The following FAM9B variants were observed in gnomAD, a reference collection of about 807,000 sequenced individuals.
The protein encoded by FAM9B is protein FAM9B.
In FAM9B, 18 loss-of-function variants were observed where a neutral mutation model predicts 16.6. The ratio of observed to expected loss-of-function variants is 1.09; its 90% CI spans 0.75 to 1.61. The LOEUF (loss-of-function observed/expected upper bound fraction) is 1.61. FAM9B is among the 40% of genes most tolerant of loss of function. FAM9B has a pLI of 0.00. For missense variants in FAM9B, 155 were observed against 136.0 expected (o/e 1.14, Z -0.70); for synonymous variants, 43 against 42.6 (o/e 1.01, Z -0.03).
In FAM9B at chrX:9,027,889, C is replaced by G; in HGVS notation, c.471G>C (p.Leu157=). Reference sequence around the variant, plus strand: ...AGACCTTTACGAATTGGTCACGTAGCAGCTTCATCTCTTTCAGCCTCTCTC... The same window carrying G: ...AGACCTTTACGAATTGGTCACGTAGGAGCTTCATCTCTTTCAGCCTCTCTC... ...VRRERLKEMK[L]LRDQFVKALE... is the part of the protein sequence containing the mutation. The change falls in exon 7 of 9, where the codon CTG becomes CTC. Residue 157 remains leucine (L), a synonymous_variant. Transcript: ENST00000327220. 1 of 1,210,083 alleles carries G rather than the reference C, an allele frequency of 8.3e-7. No homozygotes were observed. Among genetic ancestry groups the G allele is most frequent in the Non-Finnish European group, 1.1e-6 (1 of 894,084 alleles).
Position 9,029,381 on chromosome X carries a change from T to C in FAM9B, c.319A>G (p.Asn107Asp), listed in dbSNP as rs1413751653. The C allele has an allele frequency of 8.3e-7, 1 of 1,206,707 alleles. No individual in the cohort carries two copies. Among genetic ancestry groups the C allele is most frequent in the African/African-American group, 1.8e-5 (1 of 57,142 alleles). Residue 107 changes from asparagine to aspartate, a missense_variant, in exon 6 of 9, where the codon AAT (asparagine) becomes GAT (aspartate). Transcript: ENST00000327220. Reference protein sequence around the residue: ...RDYIHSLKLLNVLEEYITDEQ... With the variant: ...RDYIHSLKLLDVLEEYITDEQ... ...TCTGTGATGTATTCTTCAAGGACAT[T>C]TAGCAACTTCAGAGAATGTATATAA...
In FAM9B at chrX:9,025,460, TAATATTA is replaced by T; in HGVS notation, c.*31+17_*31+23del. ...CAGTGCTACATCAATCCTGAGTTTT[TAATATTA>T]AATATGCACTACTTACAGTTCTGAC... On this transcript the variant is annotated intron_variant, in intron 8 of 8. Transcript: ENST00000327220. 1 of 962,111 alleles carries T rather than the reference TAATATTA, an allele frequency of 1.0e-6. No individual in the cohort carries two copies. The highest frequency in any genetic ancestry group is 2.7e-5 in the Admixed American group (1 of 36,960). The allele number at this position is 962,111 out of a possible 1,213,427, so 79.3% of individuals were successfully genotyped here.
chrX:9,030,260 C>A lies in FAM9B; in HGVS notation c.281+1G>T. ...TTATGCAAAAAAGCCAACAGTCATA[C>A]CTTTTAAGTTGCTTTTTTCTCAAAG... On this transcript the variant is annotated splice_donor_variant, in intron 5 of 8. Transcript: ENST00000327220. LOFTEE classifies it high-confidence loss of function. The A allele has an allele frequency of 1.7e-6, 2 of 1,193,551 alleles. No homozygotes were observed. Among genetic ancestry groups the A allele is most frequent in the East Asian group, 3.0e-5 (1 of 33,480 alleles).
At chrX:9,025,969 T>C (rs114829079) in intron 7 of FAM9B, among the ~76,000 whole-genome samples, 41 of 111,354 alleles carry the variant, frequency 3.7e-4, no homozygotes, top group African/African-American at 1.3e-3. Flanking sequence ...TGGTTTCCAT[T>C]GAAGGGATAA....
At chrX:9,027,591 T>TAA (rs1920979479) in intron 7 of FAM9B, among the ~76,000 whole-genome samples, 1 of 111,866 alleles carries the variant, frequency 8.9e-6, no homozygotes, top group African/African-American at 3.2e-5. Context: ...GTTAATGTGT[T>TAA]AATAAAGTGT....
chrX:9,027,951 G>C lies in FAM9B; in HGVS notation c.409C>G (p.Gln137Glu). 1 of 1,204,265 alleles carries C rather than the reference G, an allele frequency of 8.3e-7. No individual in the cohort carries two copies. Among genetic ancestry groups the C allele is most frequent in the African/African-American group, 1.7e-5 (1 of 57,576 alleles). Reference protein sequence around the residue: ...EEELIRIFQEQQKKWQQYRSV... With the variant: ...EEELIRIFQEEQKKWQQYRSV... ...CTATATTGTTGCCACTTCTTCTGTTGTTCTTGAAATATTCTCTAGAATCCC... is the reference window on the plus strand; with the variant it reads ...CTATATTGTTGCCACTTCTTCTGTTCTTCTTGAAATATTCTCTAGAATCCC... Residue 137 changes from glutamine (Q) to glutamate (E), a missense_variant, in exon 7 of 9, where the codon CAA becomes GAA. By Grantham distance (29) the Gln-to-Glu change is conservative (BLOSUM62 2). Transcript: ENST00000327220.
intron 6 of FAM9B, 93 bp downstream of exon 6, chrX:9,029,214 C>T (rs1375746616): frequency 1.6e-5 from 12 of 756,250 alleles, no homozygotes; most frequent in Admixed American, 2.6e-5. Context: ...TGGGCTCATG[C>T]GCTCTTCCTT....
In FAM9B at chrX:9,030,306, G is replaced by A. The variant is rs1401780959; in HGVS notation, c.236C>T (p.Thr79Ile). The A allele has an allele frequency of 8.3e-7, 1 of 1,204,284 alleles. No individual in the cohort carries two copies. Among genetic ancestry groups the A allele is most frequent in the African/African-American group, 1.7e-5 (1 of 57,573 alleles). Residue 79 changes from threonine (T) to isoleucine (I), a missense_variant, in exon 5 of 9, where the codon ACA becomes ATA. By Grantham distance (89) the Thr-to-Ile change is moderately conservative. Transcript: ENST00000327220. ...RMKMDKTCSKTKNKSKHALRK... is the reference protein window; with the variant it reads ...RMKMDKTCSKIKNKSKHALRK... ...CAAAGCATGTTTACTTTTGTTCTTT[G>A]TTTTGCTGCAAGTTTTATCCATTTT... is the stretch of plus-strand genomic sequence containing the variant.
intron 7 of FAM9B, 63 bp downstream of exon 7, chrX:9,027,805 G>C: frequency 1.1e-6 from 1 of 896,781 alleles, no homozygotes; most frequent in South Asian, 2.1e-5. Flanking sequence ...GAAACAAGCA[G>C]ACTGTCTTCT....
intron 6 of FAM9B, 57 bp downstream of exon 6, chrX:9,029,250 T>C (rs1921001626): frequency 1.0e-6 from 1 of 964,344 alleles, no homozygotes; most frequent in African/African-American, 1.9e-5. Context: ...GCATGAACTA[T>C]TACTACCTGA....
At chrX:9,030,874 A>C (rs921089133) in intron 4 of FAM9B, 1 of 112,263 alleles carries the variant, frequency 8.9e-6, no homozygotes, top group Non-Finnish European at 1.9e-5. Flanking sequence ...CTGTATTTTA[A>C]TAAAAGAAGC....
At position 9,030,354 on chromosome X, in the gene FAM9B, A is replaced by G; in HGVS notation, c.188T>C (p.Leu63Pro). 8.4e-7 allele frequency: 1 copy of G among 1,190,148 alleles called. No homozygotes were observed. The highest frequency in any genetic ancestry group is 1.1e-6 in the Non-Finnish European group (1 of 882,445). Residue 63 changes from leucine (L) to proline (P), a missense_variant, in exon 5 of 9, where the codon CTT (leucine) becomes CCT (proline). Physicochemically the swap from Leu to Pro is moderately conservative, Grantham distance 98. Transcript: ENST00000327220. ...TKKPEDTAED[L>P]TAKRKRMKMD... ...TTTCATCCTTTTTCTTTTTGCAGTA[A>G]GATCCTCTTTAATGTCAGTTAGATA...
At chrX:9,030,134 C>T in intron 5 of FAM9B, 127 bp downstream of exon 5, 1 of 1,136,955 alleles carries the variant, frequency 8.8e-7, no homozygotes, top group Non-Finnish European at 1.2e-6. Context: ...ACTTAGAGAA[C>T]AATCAAGTAA....
chrX:9,033,704 CA>C, intron 1 of FAM9B, 147 bp downstream of exon 1: 4 of 647,588 alleles, frequency 6.2e-6, no homozygotes, highest in Non-Finnish European at 5.5e-6. Flanking sequence ...CACCCTAGCC[CA>C]CCCTCAGGGC....
chrX:9,030,996 C>G (rs1237652319), intron 4 of FAM9B: 1 of 111,852 alleles, frequency 8.9e-6, no homozygotes, highest in East Asian at 2.8e-4. Flanking sequence ...TGCTGTGTTT[C>G]AGAAAACTGT....
rs1375373252 is a variant in FAM9B, at chrX:9,032,613, G to A, written c.29-152C>T. 1.1e-5 allele frequency: 10 copies of A among 881,037 alleles called. No homozygotes were observed. The Admixed American group carries it at 2.7e-4, about 24-fold the overall frequency. 72.6% of individuals were successfully genotyped at this position (881,037 alleles called of 1,213,427 possible). A position where few individuals can be genotyped will look rare whatever the true frequency, so the allele number is the denominator to read the frequency against. On this transcript the variant is annotated intron_variant, in intron 2 of 8. Transcript: ENST00000327220. ...AAGCAGAGCTATACATGGAATCACC[G>A]GTTCCTGACCATTTTATCGAGGGAC...
chrX:9,030,326 C>A lies in FAM9B; in HGVS notation c.216G>T (p.Met72Ile), dbSNP rs760665917. ...TCTTTGTTTTGCTGCAAGTTTTATC[C>A]ATTTTCATCCTTTTTCTTTTTGCAG... ...DLTAKRKRMK[M>I]DKTCSKTKNK... Residue 72 changes from methionine (M) to isoleucine (I), a missense_variant, in exon 5 of 9, where the codon ATG (methionine) becomes ATT (isoleucine). By Grantham distance (10) the Met-to-Ile change is conservative. Coordinates refer to ENST00000327220, the MANE Select transcript of FAM9B (RefSeq NM_205849.3). 1.7e-6 allele frequency: 2 copies of A among 1,199,942 alleles called. No individual in the cohort carries two copies. The highest frequency in any genetic ancestry group is 4.5e-5 in the Admixed American group (2 of 44,518).
chrX:9,026,964 G>T (rs777809194), intron 7 of FAM9B, among the ~76,000 whole-genome samples: 494 of 111,592 alleles, frequency 4.4e-3, no homozygotes, highest in African/African-American at 0.016. Flanking sequence ...ACACATCTCA[G>T]TTAGTGTAGA....
rs748428819 is a variant in FAM9B, at chrX:9,030,314, G to T, written c.228C>A (p.Cys76Ter). 1 of 1,204,329 alleles carries T rather than the reference G, an allele frequency of 8.3e-7. No individual in the cohort carries two copies. Among genetic ancestry groups the T allele is most frequent in the East Asian group, 3.0e-5 (1 of 33,576 alleles). The change falls in exon 5 of 9, where the codon TGC becomes TGA. Residue 76 changes from cysteine (C) to a stop codon, truncating the protein, a stop_gained. Transcript: ENST00000327220. LOFTEE classifies it high-confidence loss of function. Reference sequence around the variant, plus strand: ...GTTTACTTTTGTTCTTTGTTTTGCTGCAAGTTTTATCCATTTTCATCCTTT... The same window carrying T: ...GTTTACTTTTGTTCTTTGTTTTGCTTCAAGTTTTATCCATTTTCATCCTTT... Reference protein sequence around the residue: ...KRKRMKMDKTCSKTKNKSKHA... With the variant: ...KRKRMKMDKT
Sources: gnomAD v4.1 joint callset for allele counts (sites outside exome capture counted in the v4.1 genomes callset) on GRCh38, gnomAD v4.1.1 for gene constraint, MANE v1.5 for transcripts, NCBI Gene and HGNC (gene_info 2026-07-23, HGNC 2026-07-21) for gene names.